Variants in SOS1 observed in about 807,000 individuals in gnomAD.
SOS1 encodes the protein son of sevenless homolog 1.
Under a neutral mutation model 157.6 loss-of-function variants are expected in SOS1, and 25 were observed. That is an observed-to-expected ratio of 0.16 (90% CI 0.12 to 0.22). The LOEUF (loss-of-function observed/expected upper bound fraction) is 0.22, where lower values mean the gene tolerates loss of function less well. Ranked by LOEUF, SOS1 falls within the 10% of genes least tolerant of loss-of-function variation. SOS1 has a pLI of 1.00. For missense variants in SOS1, 1,237 were observed against 1,599.1 expected (o/e 0.77, Z 3.86); for synonymous variants, 528 against 534.0 (o/e 0.99, Z 0.16).
chr2:38,989,246 G>A, intron 21 of SOS1, 24 bp downstream of exon 21: 10 of 1,529,822 alleles, frequency 6.5e-6, no homozygotes, highest in Non-Finnish European at 7.2e-6. Flanking sequence ...CAAGAATTAT[G>A]AGTCTTAAAC....
intron 1 of SOS1, among the ~76,000 whole-genome samples, chr2:39,108,499 G>C (rs1245769737): frequency 1.3e-5 from 2 of 151,344 alleles, no homozygotes; most frequent in Non-Finnish European, 2.9e-5. Context: ...CAAATCCTTG[G>C]AATTTATTTC....
chr2:39,093,994 G>A (rs1572887729), intron 1 of SOS1, among the ~76,000 whole-genome samples: 1 of 152,186 alleles, frequency 6.6e-6, no homozygotes, highest in Admixed American at 6.5e-5. Context: ...AATATTGAAT[G>A]TAGGAGGCTG....
chr2:39,036,806 A>G (rs948874407), intron 6 of SOS1, among the ~76,000 whole-genome samples: 13 of 151,238 alleles, frequency 8.6e-5, no homozygotes, highest in African/African-American at 3.2e-4. Flanking sequence ...CTATCTCCTG[A>G]CCTCGTGATC....
chr2:39,043,750 A>T (rs1670657312), intron 6 of SOS1, among the ~76,000 whole-genome samples: 1 of 152,096 alleles, frequency 6.6e-6, no homozygotes, highest in South Asian at 2.1e-4. Context: ...CTTTTTATAA[A>T]AACAGGCCTG....
chr2:38,994,022 G>A (rs556459883), intron 20 of SOS1, among the ~76,000 whole-genome samples: 1 of 152,312 alleles, frequency 6.6e-6, no homozygotes, highest in East Asian at 1.9e-4. Flanking sequence ...TTCAAAAGGT[G>A]AGCTGTACAG....
At chr2:39,102,952 C>A (rs1673027146) in intron 1 of SOS1, among the ~76,000 whole-genome samples, 1 of 151,530 alleles carries the variant, frequency 6.6e-6, no homozygotes, top group Non-Finnish European at 1.5e-5. Context: ...GAGACCCTGT[C>A]TCAAAAAAAT....
intron 17 of SOS1, 127 bp downstream of exon 17, chr2:39,006,285 G>A: frequency 2.8e-6 from 2 of 718,392 alleles, no homozygotes; most frequent in Non-Finnish European, 5.1e-6. Flanking sequence ...AGGGCTTCAG[G>A]TGCTAAATAT....
At chr2:39,113,199 A>G (rs551921363) in intron 1 of SOS1, among the ~76,000 whole-genome samples, 2 of 151,942 alleles carry the variant, frequency 1.3e-5, no homozygotes, top group Non-Finnish European at 2.9e-5. Context: ...TTTATTCATT[A>G]ATGTATTTAG....
chr2:39,064,551 C>T (rs1037498185), intron 2 of SOS1, among the ~76,000 whole-genome samples: 2 of 151,966 alleles, frequency 1.3e-5, no homozygotes, highest in African/African-American at 4.8e-5. Flanking sequence ...ACTATAGTCA[C>T]CATGCTGTAC....
rs879046694 is a variant in SOS1, at chr2:38,995,057, C to A, written c.3346+66G>T. 97 of 1,363,880 alleles carry A rather than the reference C, an allele frequency of 7.1e-5. No individual in the cohort carries two copies. In the Middle Eastern group the frequency reaches 2.2e-3, roughly 30 times the overall value. The allele number at this position is 1,363,880 out of a possible 1,614,324, so 84.5% of individuals were successfully genotyped here. A position where few individuals can be genotyped will look rare whatever the true frequency, so the allele number is the denominator to read the frequency against. ...CACATACAAAAAAATAACAGAGATT[C>A]TTTTTTACCTCTAGCATGTATAGTA... On this transcript the variant is annotated intron_variant, in intron 20 of 22. Coordinates refer to ENST00000402219, the MANE Select transcript of SOS1 (RefSeq NM_005633.4).
At position 39,056,807 on chromosome 2, in the gene SOS1, T is replaced by C; in HGVS notation, c.405A>G (p.Glu135=). 1 of 1,605,186 alleles carries C rather than the reference T, an allele frequency of 6.2e-7. No homozygotes were observed. The highest frequency in any genetic ancestry group is 1.1e-5 in the South Asian group (1 of 90,912). ...GCTTTAAAATGTCTGCAGAAATGTA[T>C]TCTAAGACTGCTACTATGTAAACAG... is the stretch of plus-strand genomic sequence containing the variant. ...QVSVYIVAVL[E]YISADILKLV... is the part of the protein sequence containing the mutation. Residue 135 remains glutamate, a synonymous_variant, in exon 4 of 23, where the codon GAA becomes GAG. Transcript: ENST00000402219.
intron 1 of SOS1, among the ~76,000 whole-genome samples, chr2:39,093,389 C>G (rs1051948881): frequency 1.3e-5 from 2 of 152,220 alleles, no homozygotes; most frequent in East Asian, 1.9e-4. Flanking sequence ...TGACTTGGTA[C>G]CACTTACACT....
At chr2:39,050,538 G>A (rs1558489107) in intron 6 of SOS1, among the ~76,000 whole-genome samples, 1 of 152,112 alleles carries the variant, frequency 6.6e-6, no homozygotes. Flanking sequence ...TAAGATTTCA[G>A]ATTTTGGATT....
intron 15 of SOS1, 101 bp from the exon 16 acceptor site, chr2:39,007,294 T>A: frequency 2.5e-6 from 2 of 790,934 alleles, no homozygotes; most frequent in Admixed American, 3.9e-5. Flanking sequence ...AGTAGGGGGG[T>A]GGCGATAGTA....
At chr2:39,086,871 G>A (rs1025966170) in intron 1 of SOS1, among the ~76,000 whole-genome samples, 1 of 151,946 alleles carries the variant, frequency 6.6e-6, no homozygotes, top group African/African-American at 2.4e-5. Flanking sequence ...GGAGTGCAGT[G>A]GCATGATCTT....
chr2:39,092,951 C>T (rs1672643750), intron 1 of SOS1, among the ~76,000 whole-genome samples: 1 of 152,106 alleles, frequency 6.6e-6, no homozygotes, highest in Non-Finnish European at 1.5e-5. Context: ...TATCAAAGTG[C>T]TACAATGTTA....
At position 39,013,938 on chromosome 2, in the gene SOS1, C is replaced by G; in HGVS notation, c.1992G>C (p.Glu664Asp). 6.2e-7 allele frequency: 1 copy of G among 1,605,500 alleles called. No homozygotes were observed. Among genetic ancestry groups the G allele is most frequent in the Non-Finnish European group, 8.5e-7 (1 of 1,172,794 alleles). Residue 664 changes from glutamate to aspartate, a missense_variant, in exon 12 of 23, where the codon GAG becomes GAC. This residue lies in a region of SOS1 where 55 missense variants were observed against 43.1 expected (regional missense o/e 1.27). Coordinates refer to ENST00000402219, the MANE Select transcript of SOS1 (RefSeq NM_005633.4). ...CTGCACTCAAGGGTTGATCTCCATT[C>G]TCTATAGCTATGCGATCAGCTTCTG... ...EPTEADRIAI[E>D]NGDQPLSAEL...
chr2:39,059,557 G>T (rs916750758), intron 2 of SOS1, among the ~76,000 whole-genome samples: 2 of 151,998 alleles, frequency 1.3e-5, no homozygotes, highest in African/African-American at 4.8e-5. Flanking sequence ...AGTAGAGGTC[G>T]CTATTACATA....
At chr2:39,013,728 G>T in intron 12 of SOS1, 139 bp downstream of exon 12, 1 of 893,256 alleles carries the variant, frequency 1.1e-6, no homozygotes, top group Non-Finnish European at 1.8e-6. Flanking sequence ...TATAATTTCT[G>T]ATAACTGCTC....
Sources: gnomAD v4.1 joint callset for allele counts (sites outside exome capture counted in the v4.1 genomes callset) on GRCh38, gnomAD v4.1.1 for gene constraint, gnomAD v4.1.1 regional missense constraint, MANE v1.5 for transcripts, NCBI Gene and HGNC (gene_info 2026-07-23, HGNC 2026-07-21) for gene names.